MDGA2: variants seen among roughly 807,000 people sequenced by gnomAD.
MDGA2 encodes the protein MAM domain-containing glycosylphosphatidylinositol anchor protein 2.
A neutral mutation model predicts 117.8 loss-of-function variants in MDGA2; 40 were observed. The observed-to-expected ratio is 0.34, with a 90% confidence interval of 0.26 to 0.44. The LOEUF is 0.44. MDGA2 is among the 20% of genes least tolerant of loss of function. The probability of loss-of-function intolerance (pLI) is 1.00; values close to 1 mark genes in which losing one functional copy is unlikely to be tolerated. For missense variants in MDGA2, 1,123 were observed against 1,250.6 expected (o/e 0.90, Z 1.54); for synonymous variants, 452 against 439.0 (o/e 1.03, Z -0.37).
At chr14:47,530,355 T>A (rs1184309575) in intron 1 of MDGA2, among the ~76,000 whole-genome samples, 2 of 152,232 alleles carry the variant, frequency 1.3e-5, no homozygotes, top group Non-Finnish European at 2.9e-5. Context: ...AACCAGCTTT[T>A]CCTGCCACTG....
chr14:47,223,888 G>T (rs117062797), intron 2 of MDGA2, among the ~76,000 whole-genome samples: 1 of 152,090 alleles, frequency 6.6e-6, no homozygotes, highest in Non-Finnish European at 1.5e-5. Context: ...CATGGCGGCA[G>T]GAGAGAGAAG....
At chr14:47,611,609 C>G (rs1454030154) in intron 1 of MDGA2, among the ~76,000 whole-genome samples, 3 of 152,078 alleles carry the variant, frequency 2.0e-5, no homozygotes, top group African/African-American at 4.8e-5. Flanking sequence ...AGAAAATACT[C>G]AACATCACTA....
chr14:47,342,510 T>C (rs977968720), intron 1 of MDGA2, among the ~76,000 whole-genome samples: 3 of 152,014 alleles, frequency 2.0e-5, no homozygotes, highest in Non-Finnish European at 2.9e-5. Flanking sequence ...ACCTTCCACT[T>C]AAAAACCTAG....
intron 3 of MDGA2, among the ~76,000 whole-genome samples, chr14:47,189,418 T>C (rs1303077077): frequency 6.6e-6 from 1 of 152,144 alleles, no homozygotes; most frequent in Non-Finnish European, 1.5e-5. Flanking sequence ...CCACGGAATA[T>C]AGTAGGTTTA....
chr14:46,902,120 A>G (rs1883310345), intron 10 of MDGA2, among the ~76,000 whole-genome samples: 1 of 152,170 alleles, frequency 6.6e-6, no homozygotes, highest in Non-Finnish European at 1.5e-5. Flanking sequence ...TATGCAAACC[A>G]TATGCCACTG....
chr14:47,424,668 T>C (rs1026598750), intron 1 of MDGA2, among the ~76,000 whole-genome samples: 2 of 152,164 alleles, frequency 1.3e-5, no homozygotes, highest in Non-Finnish European at 2.9e-5. Context: ...TTGTATATTA[T>C]TTAGTTAATT....
intron 2 of MDGA2, among the ~76,000 whole-genome samples, chr14:47,230,675 T>A (rs1482451596): frequency 6.6e-6 from 1 of 151,962 alleles, no homozygotes; most frequent in Non-Finnish European, 1.5e-5. Flanking sequence ...ATTATATGGG[T>A]ACCTTGCAAC....
intron 1 of MDGA2, among the ~76,000 whole-genome samples, chr14:47,503,047 T>C (rs1894431626): frequency 6.6e-6 from 1 of 152,152 alleles, no homozygotes; most frequent in Non-Finnish European, 1.5e-5. Flanking sequence ...TAAACACACA[T>C]ACACAAATGC....
chr14:46,971,240 T>A (rs1437246834), intron 8 of MDGA2, among the ~76,000 whole-genome samples: 3 of 152,104 alleles, frequency 2.0e-5, no homozygotes, highest in African/African-American at 4.8e-5. Context: ...AATGTATATA[T>A]CAAAGGGATA....
chr14:47,128,391 C>T (rs1214901540), intron 5 of MDGA2, among the ~76,000 whole-genome samples: 1 of 151,922 alleles, frequency 6.6e-6, no homozygotes, highest in East Asian at 1.9e-4. Context: ...TTTTCTTCCT[C>T]ATTCCATAGT....
intron 3 of MDGA2, among the ~76,000 whole-genome samples, chr14:47,206,064 A>G (rs558537154): frequency 6.6e-6 from 1 of 152,054 alleles, no homozygotes; most frequent in Non-Finnish European, 1.5e-5. Flanking sequence ...TGTTCATAGA[A>G]AAAAGAAAGA....
At chr14:47,106,711 C>T (rs1188827727) in intron 5 of MDGA2, among the ~76,000 whole-genome samples, 7 of 151,764 alleles carry the variant, frequency 4.6e-5, no homozygotes, top group Non-Finnish European at 1.0e-4. Context: ...CGCCGAGCTT[C>T]CGGTAACTCT....
chr14:47,515,713 AT>A (rs952022183), intron 1 of MDGA2, among the ~76,000 whole-genome samples: 3 of 152,198 alleles, frequency 2.0e-5, no homozygotes, highest in South Asian at 4.2e-4. Context: ...ACCACAATAT[AT>A]TTTTAGGAAT....
intron 3 of MDGA2, among the ~76,000 whole-genome samples, chr14:47,166,797 C>G (rs1883898481): frequency 1.3e-5 from 2 of 152,326 alleles, no homozygotes; most frequent in South Asian, 4.1e-4. Flanking sequence ...ACACACGACT[C>G]CAGTTGTAGC....
chr14:47,262,611 C>G (rs1887833365), intron 2 of MDGA2, among the ~76,000 whole-genome samples: 1 of 152,138 alleles, frequency 6.6e-6, no homozygotes. Flanking sequence ...TCTAGGCCAT[C>G]AATCTGAAGA....
chr14:46,896,407 G>C (rs1883078740), intron 10 of MDGA2, among the ~76,000 whole-genome samples: 1 of 152,034 alleles, frequency 6.6e-6, no homozygotes, highest in Non-Finnish European at 1.5e-5. Context: ...TAAAATGTCA[G>C]TAATATTTTC....
At chr14:47,163,793 C>T (rs1442749199) in intron 3 of MDGA2, among the ~76,000 whole-genome samples, 2 of 152,172 alleles carry the variant, frequency 1.3e-5, no homozygotes, top group Non-Finnish European at 2.9e-5. Flanking sequence ...GGACCCATTC[C>T]AGTGGCATAT....
rs1566516005 is a variant in MDGA2, at chr14:47,561,165, T to TTG, written c.280+113351_280+113352insCA. Among the ~76,000 whole-genome samples, 17 of 108,200 alleles carry TTG rather than the reference T, an allele frequency of 1.6e-4. 1 individual carries two copies. The South Asian group carries it at 7.4e-3, about 47-fold the overall frequency. 71.0% of individuals were successfully genotyped at this position (108,200 alleles called of 152,430 possible). ...TGTTTTTTTTTTTGTTTTGTTTTGT[T>TTG]TTTTTGTTTGTTTGTTTTTTTTTGC... On this transcript the variant is annotated intron_variant, in intron 1 of 16. Coordinates refer to ENST00000399232, the MANE Select transcript of MDGA2 (RefSeq NM_001113498.3).
At chr14:47,584,085 T>A (rs1037220091) in intron 1 of MDGA2, among the ~76,000 whole-genome samples, 2 of 151,878 alleles carry the variant, frequency 1.3e-5, no homozygotes, top group Non-Finnish European at 2.9e-5. Flanking sequence ...CTTGTAAATG[T>A]TTATTTAAAT....
Sources: gnomAD v4.1 joint callset for allele counts (sites outside exome capture counted in the v4.1 genomes callset) on GRCh38, gnomAD v4.1.1 for gene constraint, MANE v1.5 for transcripts, NCBI Gene and HGNC (gene_info 2026-07-23, HGNC 2026-07-21) for gene names.